Variants in DPAGT1 observed in about 807,000 individuals in gnomAD.
The protein encoded by DPAGT1 is dolichyl-phosphate N-acetylglucosaminephosphotransferase 1, also known as UDP-N-acetylglucosamine--dolichyl-phosphate N-acetylglucosaminephosphotransferase.
A neutral mutation model predicts 39.3 loss-of-function variants in DPAGT1; 25 were observed. The observed-to-expected ratio is 0.64, with a 90% confidence interval of 0.46 to 0.89. DPAGT1 has a LOEUF of 0.89. DPAGT1 is among the 40% of genes least tolerant of loss of function. The pLI is 0.00. For missense variants in DPAGT1, 381 were observed against 500.6 expected (o/e 0.76, Z 2.28); for synonymous variants, 193 against 201.4 (o/e 0.96, Z 0.36).
At position 119,100,685 on chromosome 11, in the gene DPAGT1, C is replaced by T. The variant is rs754827035; in HGVS notation, c.441G>A (p.Thr147=). The T allele has an allele frequency of 4.3e-6, 7 of 1,614,100 alleles. No homozygotes were observed. The Admixed American group carries it at 5.0e-5, about 12-fold the overall frequency. The change falls in exon 3 of 9, where the codon ACG becomes ACA. Residue 147 remains threonine (T), a synonymous_variant. Coordinates refer to ENST00000354202, the MANE Select transcript of DPAGT1 (RefSeq NM_001382.4). ...LMVYFTNFGN[T]TIVVPKPFRP... Reference sequence around the variant, plus strand: ...GGAAGGGCTTGGGCACCACAATGGTCGTGTTGCCAAAGTTGGTGAAATAGA... The same window carrying T: ...GGAAGGGCTTGGGCACCACAATGGTTGTGTTGCCAAAGTTGGTGAAATAGA...
Position 119,097,674 on chromosome 11 carries a change from G to A in DPAGT1, c.918-123C>T. 7.0e-7 allele frequency: 1 copy of A among 1,423,026 alleles called. No individual in the cohort carries two copies. The highest frequency in any genetic ancestry group is 9.9e-7 in the Non-Finnish European group (1 of 1,010,722). The allele number at this position is 1,423,026 out of a possible 1,614,324, so 88.1% of individuals were successfully genotyped here. ...TCTATTTCTGGCTCTGCTGCTTACT[G>A]TTATCAGAACCACTGTAGCAGATTA... On this transcript the variant is annotated intron_variant, in intron 6 of 8. Transcript: ENST00000354202. This position sits in a 1 kb window ranked among gnomAD's most constrained non-coding sequence, Gnocchi z 4.6.
At position 119,096,865 on chromosome 11, in the gene DPAGT1, C is replaced by T; in HGVS notation, c.*133G>A. The T allele has an allele frequency of 9.2e-7, 1 of 1,087,596 alleles. No individual in the cohort carries two copies. Among genetic ancestry groups the T allele is most frequent in the Non-Finnish European group, 1.4e-6 (1 of 728,446 alleles). 67.4% of individuals were successfully genotyped at this position (1,087,596 alleles called of 1,614,324 possible). On this transcript the variant is annotated 3_prime_UTR_variant, in exon 9 of 9. Transcript: ENST00000354202. ...CAATGATCACAGAGAAAGGAAAATG[C>T]TGAGAACAAAATCTGGAGGAGTATG... is the stretch of plus-strand genomic sequence containing the variant.
In DPAGT1 at chr11:119,097,440, C is replaced by T. The variant is rs1045143648; in HGVS notation, c.1005+24G>A. 2 of 1,613,900 alleles carry T rather than the reference C, an allele frequency of 1.2e-6. No individual in the cohort carries two copies. Among genetic ancestry groups the T allele is most frequent in the Non-Finnish European group, 1.7e-6 (2 of 1,179,862 alleles). On this transcript the variant is annotated intron_variant, in intron 7 of 8. Coordinates refer to ENST00000354202, the MANE Select transcript of DPAGT1 (RefSeq NM_001382.4). The surrounding 1 kb of genome is among the most constrained non-coding windows in gnomAD (Gnocchi z 4.6). The stretch of plus-strand genomic sequence containing the variant: ...CAAGGTCAGGATGGCAGCCTAGGGC[C>T]TTACCTCCTTGTTACCCTGTTACCT...
Position 119,101,847 on chromosome 11 carries a change from A to C in DPAGT1, c.-192T>G. The C allele has an allele frequency of 6.8e-7, 1 of 1,460,472 alleles. No homozygotes were observed. The allele number at this position is 1,460,472 out of a possible 1,614,324, so 90.5% of individuals were successfully genotyped here. On this transcript the variant is annotated 5_prime_UTR_variant, in exon 1 of 9. Coordinates refer to ENST00000354202, the MANE Select transcript of DPAGT1 (RefSeq NM_001382.4). ...CCGGGGAACCTCTCTAAGGCAACCT[A>C]TGTTCTGCCCCGCTGCACCCGCCTA...
At chr11:119,099,379 G>A (rs1248618078) in intron 4 of DPAGT1, among the ~76,000 whole-genome samples, 4 of 139,192 alleles carry the variant, frequency 2.9e-5, no homozygotes, top group African/African-American at 5.5e-5. Context: ...AGCCGAGATC[G>A]CACCATTGTA....
At position 119,097,741 on chromosome 11, in the gene DPAGT1, A is replaced by G; in HGVS notation, c.917+114T>C. 3 of 1,507,170 alleles carry G rather than the reference A, an allele frequency of 2.0e-6. No homozygotes were observed. Among genetic ancestry groups the G allele is most frequent in the Non-Finnish European group, 2.8e-6 (3 of 1,085,866 alleles). The allele number at this position is 1,507,170 out of a possible 1,614,324, so 93.4% of individuals were successfully genotyped here. A position where few individuals can be genotyped will look rare whatever the true frequency, so the allele number is the denominator to read the frequency against. ...TTGTAAGTTATAAAGGGCTACTCACATGGAAATAGCCCTTCTTTGGGCCCA... is the reference window on the plus strand; with the variant it reads ...TTGTAAGTTATAAAGGGCTACTCACGTGGAAATAGCCCTTCTTTGGGCCCA... On this transcript the variant is annotated intron_variant, in intron 6 of 8. Coordinates refer to ENST00000354202, the MANE Select transcript of DPAGT1 (RefSeq NM_001382.4). This position sits in a 1 kb window ranked among gnomAD's most constrained non-coding sequence, Gnocchi z 4.6.
At chr11:119,100,576 G>T in intron 3 of DPAGT1, 54 bp downstream of exon 3, 2 of 1,609,272 alleles carry the variant, frequency 1.2e-6, no homozygotes, top group South Asian at 1.1e-5. Context: ...TGGAGCACCA[G>T]GAAGGGTTCC....
At chr11:119,100,230 AC>A (rs766806596) in intron 4 of DPAGT1, 31 bp downstream of exon 4, 2 of 1,613,850 alleles carry the variant, frequency 1.2e-6, no homozygotes, top group Non-Finnish European at 1.7e-6. Flanking sequence ...TAACACTCAG[AC>A]TTCTCTCTCC....
Position 119,100,743 on chromosome 11 carries a change from A to G in DPAGT1, c.383T>C (p.Leu128Pro). ...LNLRWRHKLL[L>P]PTAASLPLLM... is the part of the protein sequence containing the mutation. ...GAGAGGTAGTGAGGCAGCTGTAGGT[A>G]GCAGCAGCTTATGGCGCCAGCGCAG... The change falls in exon 3 of 9, where the codon CTA (leucine) becomes CCA (proline). Residue 128 changes from leucine to proline, a missense_variant. By Grantham distance (98) the Leu-to-Pro change is moderately conservative (BLOSUM62 -3). Transcript: ENST00000354202. 6.2e-7 allele frequency: 1 copy of G among 1,614,218 alleles called. No homozygotes were observed. The highest frequency in any genetic ancestry group is 8.5e-7 in the Non-Finnish European group (1 of 1,180,046).
chr11:119,095,253 C>T, downstream of DPAGT1: 1 of 1,613,514 alleles, frequency 6.2e-7, no homozygotes, highest in Non-Finnish European at 8.5e-7. Context: ...TACACTGGCG[C>T]GCCGGCGCCA....
chr11:119,099,164 C>T (rs141229028), intron 4 of DPAGT1, among the ~76,000 whole-genome samples: 392 of 152,294 alleles, frequency 2.6e-3, no homozygotes, highest in African/African-American at 8.7e-3. Context: ...GTGACTCACG[C>T]CTGTAATCCC....
At chr11:119,094,405 C>A (rs1946355676), downstream of DPAGT1, 2 of 152,384 alleles carry the variant, frequency 1.3e-5, no homozygotes, top group East Asian at 1.9e-4. Context: ...GGGCTAAGCA[C>A]CACGCCGGGG....
At position 119,101,812 on chromosome 11, in the gene DPAGT1, C is replaced by G; in HGVS notation, c.-157G>C. The G allele has an allele frequency of 1.3e-6, 2 of 1,512,320 alleles. No individual in the cohort carries two copies. The highest frequency in any genetic ancestry group is 1.8e-6 in the Non-Finnish European group (2 of 1,131,242). The allele number at this position is 1,512,320 out of a possible 1,614,324, so 93.7% of individuals were successfully genotyped here. A position where few individuals can be genotyped will look rare whatever the true frequency, so the allele number is the denominator to read the frequency against. On this transcript the variant is annotated 5_prime_UTR_variant, in exon 1 of 9. Transcript: ENST00000354202. ...ACCCAGCAACTCTGACTTGAGCCGC[C>G]GTCGGGACACCGGGGAACCTCTCTA...
rs766864469 is a variant in DPAGT1 at position 119,096,954 on chromosome 11, A to G, written c.*44T>C. On this transcript the variant is annotated 3_prime_UTR_variant, in exon 9 of 9. Coordinates refer to ENST00000354202, the MANE Select transcript of DPAGT1 (RefSeq NM_001382.4). ...CCAGAGAGAGAGGTCAGCCTGAGTC[A>G]GGAATCCTAGAGACTGTGAGGTAAA... 1 of 1,610,716 alleles carries G rather than the reference A, an allele frequency of 6.2e-7. No homozygotes were observed. Among genetic ancestry groups the G allele is most frequent in the East Asian group, 2.2e-5 (1 of 44,860 alleles).
Position 119,096,868 on chromosome 11 carries a change from A to G in DPAGT1, c.*130T>C, listed in dbSNP as rs1592224956. The G allele has an allele frequency of 9.0e-7, 1 of 1,106,978 alleles. No homozygotes were observed. The highest frequency in any genetic ancestry group is 1.3e-6 in the Non-Finnish European group (1 of 745,150). The allele number at this position is 1,106,978 out of a possible 1,614,324, so 68.6% of individuals were successfully genotyped here. On this transcript the variant is annotated 3_prime_UTR_variant, in exon 9 of 9. Transcript: ENST00000354202. Reference sequence around the variant, plus strand: ...TGATCACAGAGAAAGGAAAATGCTGAGAACAAAATCTGGAGGAGTATGAAG... The same window carrying G: ...TGATCACAGAGAAAGGAAAATGCTGGGAACAAAATCTGGAGGAGTATGAAG...
intron 2 of DPAGT1, 30 bp from the exon 3 acceptor site, chr11:119,100,873 C>G (rs1204744766): frequency 1.2e-6 from 2 of 1,613,920 alleles, no homozygotes; most frequent in Non-Finnish European, 1.7e-6. Context: ...GTCCATGACT[C>G]AAGCCTGCTC....
chr11:119,098,600 T>C, intron 4 of DPAGT1, 113 bp from the exon 5 acceptor site: 3 of 1,068,426 alleles, frequency 2.8e-6, no homozygotes, highest in South Asian at 1.3e-5. Context: ...CTCACCCAAG[T>C]CACTTTTAAG....
At position 119,097,798 on chromosome 11, in the gene DPAGT1, A is replaced by G; in HGVS notation, c.917+57T>C. On this transcript the variant is annotated intron_variant, in intron 6 of 8. Coordinates refer to ENST00000354202, the MANE Select transcript of DPAGT1 (RefSeq NM_001382.4). The surrounding 1 kb of genome is among the most constrained non-coding windows in gnomAD (Gnocchi z 4.6). ...TTGCACAGCAAATGTATAGGCTGGC[A>G]TTAGATATCCCAAGTGAAAAGGCTA... 1.2e-6 allele frequency: 2 copies of G among 1,608,180 alleles called. No homozygotes were observed. Among genetic ancestry groups the G allele is most frequent in the Non-Finnish European group, 1.7e-6 (2 of 1,175,152 alleles).
downstream of DPAGT1, chr11:119,095,365 C>A (rs1946372801): frequency 1.3e-6 from 2 of 1,581,244 alleles, no homozygotes; most frequent in Non-Finnish European, 1.7e-6. Context: ...TGGCGCGGGC[C>A]TTGCCGCCAG....
Sources: gnomAD v4.1 joint callset for allele counts (sites outside exome capture counted in the v4.1 genomes callset) on GRCh38, gnomAD v4.1.1 for gene constraint, Gnocchi (gnomAD v3.1) non-coding constraint, MANE v1.5 for transcripts, NCBI Gene and HGNC (gene_info 2026-07-23, HGNC 2026-07-21) for gene names.